Variants in ROBO1 observed in about 807,000 individuals in gnomAD.
The protein encoded by ROBO1 is roundabout guidance receptor 1.
ROBO1 carries 149 observed loss-of-function variants against 195.9 expected under a neutral mutation model. That is an observed-to-expected ratio of 0.76 (90% CI 0.67 to 0.87). ROBO1 has a LOEUF of 0.87. Ranked by LOEUF, ROBO1 falls within the 40% of genes least tolerant of loss-of-function variation. The pLI is 0.00. For missense variants in ROBO1, 1,933 were observed against 2,068.3 expected (o/e 0.93, Z 1.27); for synonymous variants, 816 against 733.2 (o/e 1.11, Z -1.82).
intron 2 of ROBO1, among the ~76,000 whole-genome samples, chr3:79,194,646 A>G (rs962776395): frequency 6.6e-6 from 1 of 151,702 alleles, no homozygotes; most frequent in African/African-American, 2.4e-5. Flanking sequence ...ATGGGCACCC[A>G]TCTGAAATTC....
chr3:79,717,833 G>A (rs1330586062), intron 1 of ROBO1, among the ~76,000 whole-genome samples: 1 of 151,978 alleles, frequency 6.6e-6, no homozygotes, highest in East Asian at 1.9e-4. Context: ...ATGTTTTCAT[G>A]TATATCTTTG....
intron 2 of ROBO1, among the ~76,000 whole-genome samples, chr3:79,197,947 AGAT>A (rs1432749203): frequency 6.6e-6 from 1 of 151,774 alleles, no homozygotes; most frequent in Non-Finnish European, 1.5e-5. Flanking sequence ...GCCCTTTGTC[AGAT>A]GGGTAGATTG....
intron 8 of ROBO1, among the ~76,000 whole-genome samples, chr3:78,701,745 G>A (rs2081426019): frequency 6.6e-6 from 1 of 152,098 alleles, no homozygotes; most frequent in Admixed American, 6.6e-5. Context: ...ATCAGGTTTA[G>A]TTGTGCAATG....
chr3:79,243,019 T>A (rs1419509206), intron 2 of ROBO1, among the ~76,000 whole-genome samples: 2 of 131,216 alleles, frequency 1.5e-5, no homozygotes, highest in Non-Finnish European at 3.2e-5. Context: ...GTGTGTGATG[T>A]TCCCCTTCCT....
intron 5 of ROBO1, among the ~76,000 whole-genome samples, chr3:78,721,282 T>G (rs572500316): frequency 6.6e-6 from 1 of 152,310 alleles, no homozygotes; most frequent in South Asian, 2.1e-4. Flanking sequence ...TTGTAACCTT[T>G]CATGCGCTGA....
At chr3:79,628,167 A>G (rs1945234709) in intron 1 of ROBO1, among the ~76,000 whole-genome samples, 1 of 152,228 alleles carries the variant, frequency 6.6e-6, no homozygotes, top group South Asian at 2.1e-4. Context: ...TCATTCTATT[A>G]TAAAGACACA....
At chr3:79,573,148 A>C (rs896371828) in intron 2 of ROBO1, among the ~76,000 whole-genome samples, 1 of 152,120 alleles carries the variant, frequency 6.6e-6, no homozygotes, top group African/African-American at 2.4e-5. Flanking sequence ...CGGCTGGCTC[A>C]AGAGGTCCTC....
At chr3:79,070,075 T>C (rs1014239790) in intron 3 of ROBO1, among the ~76,000 whole-genome samples, 5 of 151,678 alleles carry the variant, frequency 3.3e-5, no homozygotes, top group Non-Finnish European at 7.4e-5. Flanking sequence ...TTGACTACTT[T>C]TAAAAGATGT....
At chr3:79,355,543 C>T (rs7622139) in intron 2 of ROBO1, among the ~76,000 whole-genome samples, 12,447 of 152,080 alleles carry the variant, frequency 0.082, 531 homozygotes, top group Middle Eastern at 0.1. Context: ...ACCTGTTGAC[C>T]AATCTGTCAC....
chr3:78,782,950 A>G (rs565029315), intron 4 of ROBO1, among the ~76,000 whole-genome samples: 7 of 152,304 alleles, frequency 4.6e-5, no homozygotes, highest in African/African-American at 1.7e-4. Context: ...TTTTCCATAA[A>G]TAGTTATTGA....
chr3:79,706,478 C>T (rs375450947), intron 1 of ROBO1, among the ~76,000 whole-genome samples: 4 of 152,022 alleles, frequency 2.6e-5, no homozygotes, highest in South Asian at 2.1e-4. Context: ...ACTATTCTTA[C>T]ACATCTGAGA....
At chr3:78,750,479 AAATAAATAAATAAAT>A (rs2082763463) in intron 4 of ROBO1, among the ~76,000 whole-genome samples, 1 of 147,912 alleles carries the variant, frequency 6.8e-6, no homozygotes, top group South Asian at 2.1e-4. Flanking sequence ...ATAAATAAAT[AAATAAATAAATAAAT>A]AAATAAAATA....
chr3:79,337,649 A>C (rs562088273), intron 2 of ROBO1, among the ~76,000 whole-genome samples: 17 of 152,220 alleles, frequency 1.1e-4, no homozygotes, highest in Non-Finnish European at 1.3e-4. Flanking sequence ...CCTTACTCAT[A>C]CTTTCTCACA....
At chr3:79,355,320 G>A (rs978325555) in intron 2 of ROBO1, among the ~76,000 whole-genome samples, 2 of 151,750 alleles carry the variant, frequency 1.3e-5, no homozygotes, top group Non-Finnish European at 2.9e-5. Flanking sequence ...TACGGGGCAC[G>A]GCATGATATT....
chr3:79,766,658 TG>T (rs977778556), intron 1 of ROBO1, among the ~76,000 whole-genome samples: 1 of 152,100 alleles, frequency 6.6e-6, no homozygotes, highest in African/African-American at 2.4e-5. Flanking sequence ...AGGGCTCGCC[TG>T]CTTCTCCCCA....
chr3:78,989,109 T>G (rs921858709), intron 3 of ROBO1, among the ~76,000 whole-genome samples: 2 of 152,250 alleles, frequency 1.3e-5, no homozygotes, highest in Non-Finnish European at 2.9e-5. Context: ...TAAGTTCTAG[T>G]GTTCTATACC....
chr3:79,450,704 G>GA (rs370880144), intron 2 of ROBO1, among the ~76,000 whole-genome samples: 125 of 151,842 alleles, frequency 8.2e-4, no homozygotes, highest in African/African-American at 2.7e-3. Context: ...ATATAAGAAA[G>GA]ATGAACAACT....
chr3:78,947,289 C>T (rs1185751349), intron 3 of ROBO1, among the ~76,000 whole-genome samples: 1 of 152,142 alleles, frequency 6.6e-6, no homozygotes, highest in African/African-American at 2.4e-5. Flanking sequence ...CACTCCTCAG[C>T]AAATGTAAAA....
rs529631215 is a variant in ROBO1 at position 78,641,504 on chromosome 3, T to G, written c.2883-1606A>C. Among the ~76,000 whole-genome samples the G allele has an allele frequency of 3.3e-5, 5 of 152,328 alleles. No homozygotes were observed. In the South Asian group the frequency reaches 1.0e-3, roughly 32 times the overall value. ...AGTAACGTTTCCAAACTGTTGAAAT[T>G]TTAAACATTTAAATGCAAATTATAA... On this transcript the variant is annotated intron_variant, in intron 21 of 30. Transcript: ENST00000464233.
Sources: allele counts gnomAD v4.1 joint callset (sites outside exome capture counted in the v4.1 genomes callset), GRCh38; gene constraint gnomAD v4.1.1; transcripts MANE v1.5; gene names NCBI Gene and HGNC (gene_info 2026-07-23, HGNC 2026-07-21).